Variants in ANKRD17 observed in about 807,000 individuals in gnomAD.
ANKRD17 encodes ankyrin repeat domain 17, also known as ankyrin repeat domain-containing protein 17.
Under a neutral mutation model 229.7 loss-of-function variants are expected in ANKRD17, and 19 were observed. The ratio of observed to expected loss-of-function variants is 0.08; its 90% CI spans 0.06 to 0.12. The LOEUF is 0.12. Among genes scored for constraint, ANKRD17 ranks in the 10% least tolerant of loss-of-function variants. The pLI, the probability that ANKRD17 is intolerant of heterozygous loss-of-function variation, is 1.00. For missense variants in ANKRD17, 2,176 were observed against 3,176.8 expected, an observed-to-expected ratio of 0.68 and a Z score of 7.57; for synonymous variants, 1,112 against 1,146.1, an observed-to-expected ratio of 0.97 and a Z score of 0.60.
In ANKRD17 at chr4:73,074,842, T is replaced by G. The variant is rs1720905671; in HGVS notation, c.*1389A>C. The G allele has an allele frequency of 6.6e-6, 1 of 152,476 alleles. No homozygotes were observed. Among genetic ancestry groups the G allele is most frequent in the African/African-American group, 2.4e-5 (1 of 41,446 alleles). The allele number at this position is 152,476 out of a possible 1,614,324, so 9.4% of individuals were successfully genotyped here. A position where few individuals can be genotyped will look rare whatever the true frequency, so the allele number is the denominator to read the frequency against. ...TTTACATTTCAACCATATAATTAAT[T>G]TTTCCATGAGACAGGGTAGGACACA... On this transcript the variant is annotated 3_prime_UTR_variant, in exon 34 of 34. Coordinates refer to ENST00000358602, the MANE Select transcript of ANKRD17 (RefSeq NM_032217.5).
chr4:73,159,434 A>G (rs1356846853), intron 3 of ANKRD17, among the ~76,000 whole-genome samples: 1 of 152,224 alleles, frequency 6.6e-6, no homozygotes, highest in Non-Finnish European at 1.5e-5. Flanking sequence ...GCAACAGCTG[A>G]ACTTAAGAAC....
At chr4:73,122,098 T>C (rs893690548) in intron 18 of ANKRD17, among the ~76,000 whole-genome samples, 1 of 152,190 alleles carries the variant, frequency 6.6e-6, no homozygotes, top group African/African-American at 2.4e-5. Context: ...GATTTTTTCG[T>C]ATTATACATG....
chr4:73,131,081 C>T (rs1728139581), intron 16 of ANKRD17, among the ~76,000 whole-genome samples: 1 of 152,114 alleles, frequency 6.6e-6, no homozygotes. Context: ...CAAATAATTC[C>T]TTCAAACTAT....
chr4:73,105,865 G>C (rs1578063555), intron 24 of ANKRD17, among the ~76,000 whole-genome samples: 1 of 152,178 alleles, frequency 6.6e-6, no homozygotes, highest in Non-Finnish European at 1.5e-5. Flanking sequence ...GTAGTGGGTA[G>C]GAGTTAGTAA....
At chr4:73,228,775 T>A (rs899507652) in intron 1 of ANKRD17, among the ~76,000 whole-genome samples, 6 of 152,216 alleles carry the variant, frequency 3.9e-5, no homozygotes, top group Non-Finnish European at 8.8e-5. Flanking sequence ...ATTTATCTTG[T>A]TTCTAACGTT....
intron 1 of ANKRD17, among the ~76,000 whole-genome samples, chr4:73,210,737 G>A (rs1560730269): frequency 6.6e-6 from 1 of 151,664 alleles, no homozygotes; most frequent in African/African-American, 2.4e-5. Flanking sequence ...CTACTACCTG[G>A]AGTATCTCCA....
At chr4:73,132,862 A>G (rs1251093882) in intron 16 of ANKRD17, among the ~76,000 whole-genome samples, 1 of 152,182 alleles carries the variant, frequency 6.6e-6, no homozygotes, top group Non-Finnish European at 1.5e-5. Context: ...ATTTTTATAA[A>G]GAAGTCTTTT....
At chr4:73,124,750 A>G (rs1015689708) in intron 18 of ANKRD17, among the ~76,000 whole-genome samples, 163 bp downstream of exon 18, 1 of 152,244 alleles carries the variant, frequency 6.6e-6, no homozygotes, top group African/African-American at 2.4e-5. Context: ...AAGATAGCTT[A>G]TGCTAACAAT....
chr4:73,121,798 G>A, intron 18 of ANKRD17, 39 bp from the exon 19 acceptor site: 1 of 1,547,516 alleles, frequency 6.5e-7, no homozygotes, highest in Non-Finnish European at 8.7e-7. Flanking sequence ...TTCTTATGGA[G>A]AGACAAATTA....
chr4:73,155,712 C>A lies in ANKRD17; in HGVS notation c.919G>T (p.Ala307Ser). The A allele has an allele frequency of 1.2e-6, 2 of 1,614,114 alleles. No homozygotes were observed. The highest frequency in any genetic ancestry group is 1.7e-6 in the Non-Finnish European group (2 of 1,180,000). ...TTGACATGTCCTCCATTAGCAGCAG[C>A]CATTAAAGGTGTAATGTCACCTTTG... ...GIKGDITPLM[A>S]AANGGHVKIV... is the part of the protein sequence containing the mutation. Residue 307 changes from alanine to serine, a missense_variant, in exon 5 of 34, where the codon GCT becomes TCT. Ala to Ser is a moderately conservative substitution (Grantham distance 99). This residue lies in a region of ANKRD17 where 184 missense variants were observed against 357.8 expected (regional missense o/e 0.51). Transcript: ENST00000358602.
At chr4:73,238,160 C>T (rs1170935032) in intron 1 of ANKRD17, among the ~76,000 whole-genome samples, 4 of 151,414 alleles carry the variant, frequency 2.6e-5, no homozygotes, top group African/African-American at 9.7e-5. Context: ...ATTCATACTT[C>T]AGTTTTAACA....
Position 73,215,580 on chromosome 4 carries a change from T to C in ANKRD17, c.394-38047A>G, listed in dbSNP as rs543852722. ...GCTGAAAATGTGATTTTTAAAAATA[T>C]TGCAGAATAAAAGAAACCAGTATTT... On this transcript the variant is annotated intron_variant, in intron 1 of 33. Transcript: ENST00000358602. 3.4e-4 allele frequency among the ~76,000 whole-genome samples: 52 copies of C among 152,136 alleles called. 1 individual carries two copies. The highest frequency in any genetic ancestry group is 6.2e-4 in the Non-Finnish European group (42 of 68,018).
At position 73,074,636 on chromosome 4, in the gene ANKRD17, G is replaced by A. The variant is rs1720893927; in HGVS notation, c.*1595C>T. 6.6e-6 allele frequency: 1 copy of A among 151,782 alleles called. No homozygotes were observed. The highest frequency in any genetic ancestry group is 1.5e-5 in the Non-Finnish European group (1 of 67,834). The allele number at this position is 151,782 out of a possible 1,614,324, so 9.4% of individuals were successfully genotyped here. ...TTACTCAGGCTTTACTCTTTACTCA[G>A]ATGGAAGAAATCATTTGATTTACTT... On this transcript the variant is annotated 3_prime_UTR_variant, in exon 34 of 34. Coordinates refer to ENST00000358602, the MANE Select transcript of ANKRD17 (RefSeq NM_032217.5).
At chr4:73,104,974 G>A (rs1043162773) in intron 24 of ANKRD17, among the ~76,000 whole-genome samples, 1 of 152,072 alleles carries the variant, frequency 6.6e-6, no homozygotes, top group Admixed American at 6.6e-5. Context: ...TTGGATTATC[G>A]AACTTCAGAG....
intron 2 of ANKRD17, among the ~76,000 whole-genome samples, chr4:73,174,576 T>C (rs1466955288): frequency 6.6e-6 from 1 of 152,162 alleles, no homozygotes; most frequent in Non-Finnish European, 1.5e-5. Flanking sequence ...CTGCAAGTCC[T>C]AGCCAGAGCA....
At chr4:73,254,883 A>T (rs1405356294) in intron 1 of ANKRD17, among the ~76,000 whole-genome samples, 3 of 152,278 alleles carry the variant, frequency 2.0e-5, no homozygotes, top group African/African-American at 7.2e-5. Flanking sequence ...AAATTATAAG[A>T]TTTTTTTCTT....
Position 73,140,065 on chromosome 4 carries a change from G to A in ANKRD17, c.2551C>T (p.Leu851Phe). The A allele has an allele frequency of 1.2e-6, 2 of 1,614,076 alleles. No homozygotes were observed. Among genetic ancestry groups the A allele is most frequent in the Non-Finnish European group, 1.7e-6 (2 of 1,180,028 alleles). Residue 851 changes from leucine (L) to phenylalanine (F), a missense_variant, in exon 15 of 34, where the codon CTC becomes TTC. Leu to Phe is a conservative substitution (Grantham distance 22). Transcript: ENST00000358602. Reference protein sequence around the residue: ...DQLTKEKIEELNKTREEQIQK... With the variant: ...DQLTKEKIEEFNKTREEQIQK... ...ATTTGTTCCTCCCTTGTTTTGTTGA[G>A]CTCCTCGATCTTCTCCTTGGTAAGT... is the stretch of plus-strand genomic sequence containing the variant.
At chr4:73,255,438 T>A (rs1262191201) in intron 1 of ANKRD17, among the ~76,000 whole-genome samples, 1 of 152,236 alleles carries the variant, frequency 6.6e-6, no homozygotes, top group Non-Finnish European at 1.5e-5. Flanking sequence ...AGGATAATTT[T>A]AAAGATCATT....
chr4:73,185,257 C>T (rs551276430), intron 1 of ANKRD17, among the ~76,000 whole-genome samples: 3 of 149,086 alleles, frequency 2.0e-5, no homozygotes, highest in African/African-American at 4.9e-5. Context: ...TGGAAAATAC[C>T]CTATTTATCA....
Sources: gnomAD v4.1 joint callset for allele counts (sites outside exome capture counted in the v4.1 genomes callset) on GRCh38, gnomAD v4.1.1 for gene constraint, gnomAD v4.1.1 regional missense constraint, MANE v1.5 for transcripts, NCBI Gene and HGNC (gene_info 2026-07-23, HGNC 2026-07-21) for gene names.